PCDH9: variants seen among roughly 807,000 people sequenced by gnomAD.
The protein encoded by PCDH9 is protocadherin-9.
Under a neutral mutation model 70.6 loss-of-function variants are expected in PCDH9, and 24 were observed. That is an observed-to-expected ratio of 0.34 (90% CI 0.25 to 0.48). The LOEUF (loss-of-function observed/expected upper bound fraction) is 0.48, where lower values mean the gene tolerates loss of function less well. Ranked by LOEUF, PCDH9 falls within the 20% of genes least tolerant of loss-of-function variation. The pLI, the probability that PCDH9 is intolerant of heterozygous loss-of-function variation, is 0.99. For missense variants in PCDH9, 1,281 were observed against 1,503.6 expected (o/e 0.85, Z 2.45); for synonymous variants, 562 against 558.5 (o/e 1.01, Z -0.09).
At chr13:66,833,868 T>TATGG (rs1348479193) in intron 3 of PCDH9, among the ~76,000 whole-genome samples, 1 of 152,122 alleles carries the variant, frequency 6.6e-6, no homozygotes, top group Non-Finnish European at 1.5e-5. Flanking sequence ...TTTAGGAAAA[T>TATGG]ATGGATAGTA....
intron 3 of PCDH9, among the ~76,000 whole-genome samples, chr13:66,786,473 G>C (rs1203306932): frequency 2.0e-5 from 3 of 152,194 alleles, no homozygotes; most frequent in Non-Finnish European, 4.4e-5. Context: ...GAATGAAACT[G>C]ATGCTGGATG....
chr13:66,387,021 T>G (rs189027863), intron 4 of PCDH9, among the ~76,000 whole-genome samples: 2 of 152,314 alleles, frequency 1.3e-5, no homozygotes, highest in Admixed American at 1.3e-4. Context: ...AGCCTGTAAT[T>G]AGTTCTCAGC....
chr13:66,477,955 A>G (rs752690879), intron 4 of PCDH9, among the ~76,000 whole-genome samples: 20 of 152,156 alleles, frequency 1.3e-4, no homozygotes, highest in Non-Finnish European at 2.5e-4. Flanking sequence ...ACTTCCCCTT[A>G]CTGTGCTTCC....
chr13:67,215,195 G>T (rs1566500990), intron 2 of PCDH9: 2 of 151,282 alleles, frequency 1.3e-5, no homozygotes, highest in South Asian at 4.2e-4. Context: ...AATCCCAAAG[G>T]TGCATTGGAA....
At chr13:66,869,806 T>G (rs2081641484) in intron 3 of PCDH9, among the ~76,000 whole-genome samples, 1 of 152,132 alleles carries the variant, frequency 6.6e-6, no homozygotes, top group South Asian at 2.1e-4. Flanking sequence ...CTTTTCTTAC[T>G]TTGTTCACTA....
At chr13:66,553,193 A>G (rs530822894) in intron 4 of PCDH9, among the ~76,000 whole-genome samples, 1 of 152,196 alleles carries the variant, frequency 6.6e-6, no homozygotes, top group East Asian at 1.9e-4. Flanking sequence ...AAAACAAAAA[A>G]TCACTAACTA....
chr13:66,655,268 T>C (rs888839685), intron 3 of PCDH9, among the ~76,000 whole-genome samples: 42 of 152,070 alleles, frequency 2.8e-4, no homozygotes, highest in Non-Finnish European at 5.3e-4. Flanking sequence ...CTTTTTCTGA[T>C]CATGGGTAAA....
At chr13:66,549,524 C>T (rs1262699015) in intron 4 of PCDH9, among the ~76,000 whole-genome samples, 1 of 151,864 alleles carries the variant, frequency 6.6e-6, no homozygotes, top group African/African-American at 2.4e-5. Context: ...ATAAACTGTT[C>T]ACTTATTTTT....
rs554656791 is a variant in PCDH9, at chr13:67,166,923, A to T, written c.3036+58482T>A. On this transcript the variant is annotated intron_variant, in intron 2 of 4. Transcript: ENST00000377865. The stretch of plus-strand genomic sequence containing the variant: ...GGGAATTTGCCTGACATTAATAGTC[A>T]CCTAAGTTTAGAATGAACACTAAAA... Among the ~76,000 whole-genome samples, 3 of 152,282 alleles carry T rather than the reference A, an allele frequency of 2.0e-5. No individual in the cohort carries two copies. In the South Asian group the frequency reaches 6.2e-4, roughly 32 times the overall value.
At chr13:66,782,427 C>T (rs1488681456) in intron 3 of PCDH9, among the ~76,000 whole-genome samples, 1 of 151,824 alleles carries the variant, frequency 6.6e-6, no homozygotes, top group African/African-American at 2.4e-5. Flanking sequence ...TAGAACTAGG[C>T]GGCCCAATGT....
intron 3 of PCDH9, among the ~76,000 whole-genome samples, chr13:66,729,439 A>C (rs897369117): frequency 6.6e-6 from 1 of 152,146 alleles, no homozygotes; most frequent in South Asian, 2.1e-4. Context: ...TTGCTTCCAG[A>C]GACATGTTCA....
chr13:67,223,756 T>G (rs185545348), intron 2 of PCDH9: 5 of 152,294 alleles, frequency 3.3e-5, no homozygotes, highest in Admixed American at 3.3e-4. Flanking sequence ...AATAATCTCA[T>G]AGTCTCCTTT....
intron 4 of PCDH9, among the ~76,000 whole-genome samples, chr13:66,544,472 G>A (rs1961096003): frequency 6.6e-6 from 1 of 152,108 alleles, no homozygotes; most frequent in Non-Finnish European, 1.5e-5. Flanking sequence ...AGGCCTTGAG[G>A]GTTCTTGGTT....
intron 3 of PCDH9, among the ~76,000 whole-genome samples, chr13:66,808,425 T>C (rs2080445060): frequency 6.6e-6 from 1 of 152,166 alleles, no homozygotes; most frequent in Non-Finnish European, 1.5e-5. Flanking sequence ...AGATATATAT[T>C]TTTTACATTT....
At chr13:67,084,743 G>C (rs367978989) in intron 2 of PCDH9, among the ~76,000 whole-genome samples, 14 of 151,458 alleles carry the variant, frequency 9.2e-5, no homozygotes, top group Non-Finnish European at 4.4e-5. Context: ...GCTGAGGGGG[G>C]GGATCACGAG....
intron 3 of PCDH9, among the ~76,000 whole-genome samples, chr13:66,765,992 T>A (rs1344217222): frequency 1.3e-5 from 2 of 152,038 alleles, no homozygotes; most frequent in Non-Finnish European, 2.9e-5. Context: ...TATTTAAAAG[T>A]TTGTAAATAA....
At chr13:66,773,871 G>T (rs569389055) in intron 3 of PCDH9, among the ~76,000 whole-genome samples, 1 of 150,810 alleles carries the variant, frequency 6.6e-6, no homozygotes, top group African/African-American at 2.4e-5. Flanking sequence ...TCTGCCTCCC[G>T]GGTTCAAGCG....
chr13:67,027,260 G>A (rs576628528), intron 2 of PCDH9, among the ~76,000 whole-genome samples: 21 of 152,104 alleles, frequency 1.4e-4, no homozygotes, highest in South Asian at 8.3e-4. Flanking sequence ...AAATAACGCC[G>A]CATATCCACA....
chr13:66,371,714 C>T (rs1226373122), intron 4 of PCDH9, among the ~76,000 whole-genome samples: 4 of 152,144 alleles, frequency 2.6e-5, no homozygotes, highest in Non-Finnish European at 4.4e-5. Flanking sequence ...TAATTTTTAG[C>T]TTCCAGGCTA....
Sources: allele counts gnomAD v4.1 joint callset (sites outside exome capture counted in the v4.1 genomes callset), GRCh38; gene constraint gnomAD v4.1.1; transcripts MANE v1.5; gene names NCBI Gene and HGNC (gene_info 2026-07-23, HGNC 2026-07-21).